CNTNAP5: variants seen among roughly 807,000 people sequenced by gnomAD.
CNTNAP5 encodes contactin associated protein family member 5, also known as contactin-associated protein-like 5.
In CNTNAP5, 72 loss-of-function variants were observed where a neutral mutation model predicts 150.2. That is an observed-to-expected ratio of 0.48 (90% confidence interval 0.40 to 0.58). The LOEUF (loss-of-function observed/expected upper bound fraction) is 0.58. Among genes scored for constraint, CNTNAP5 ranks in the 20% least tolerant of loss-of-function variants. CNTNAP5 has a pLI of 0.00. For missense variants in CNTNAP5, 1,636 were observed against 1,626.2 expected (o/e 1.01, Z -0.10); for synonymous variants, 672 against 619.8 (o/e 1.08, Z -1.25).
intron 11 of CNTNAP5, among the ~76,000 whole-genome samples, chr2:124,582,348 C>A (rs1696433907): frequency 1.3e-5 from 2 of 152,118 alleles, no homozygotes. Flanking sequence ...CTCAAAGAGG[C>A]AGCTGATTTC....
intron 11 of CNTNAP5, among the ~76,000 whole-genome samples, chr2:124,589,043 AT>A (rs961232974): frequency 3.3e-5 from 5 of 152,188 alleles, no homozygotes; most frequent in African/African-American, 1.2e-4. Context: ...AGCATATTTC[AT>A]AGACCATACA....
chr2:124,727,855 T>C (rs1157979679), intron 13 of CNTNAP5, among the ~76,000 whole-genome samples: 1 of 151,454 alleles, frequency 6.6e-6, no homozygotes, highest in Non-Finnish European at 1.5e-5. Context: ...TGAATAGAAG[T>C]GGTCAGAATG....
intron 6 of CNTNAP5, among the ~76,000 whole-genome samples, chr2:124,452,732 G>C (rs959756382): frequency 6.6e-6 from 1 of 152,160 alleles, no homozygotes; most frequent in Non-Finnish European, 1.5e-5. Context: ...TACCAGCACA[G>C]AGCCTGGTAG....
At chr2:124,715,271 C>T (rs1001251463) in intron 13 of CNTNAP5, among the ~76,000 whole-genome samples, 10 of 152,146 alleles carry the variant, frequency 6.6e-5, no homozygotes, top group Non-Finnish European at 1.2e-4. Flanking sequence ...TTAGACATGG[C>T]TTTCCTGACA....
intron 3 of CNTNAP5, among the ~76,000 whole-genome samples, chr2:124,404,871 G>T (rs187761432): frequency 6.6e-6 from 1 of 152,266 alleles, no homozygotes; most frequent in East Asian, 1.9e-4. Context: ...GGGAAGGAAA[G>T]ACAAACTCCT....
chr2:124,640,502 A>G (rs894501113), intron 12 of CNTNAP5, among the ~76,000 whole-genome samples: 1 of 152,140 alleles, frequency 6.6e-6, no homozygotes, highest in Admixed American at 6.5e-5. Context: ...GCTGAAACCC[A>G]GACACTAAAA....
intron 19 of CNTNAP5, among the ~76,000 whole-genome samples, chr2:124,802,763 A>G (rs1681996297): frequency 6.6e-6 from 1 of 152,148 alleles, no homozygotes; most frequent in Admixed American, 6.5e-5. Flanking sequence ...GGCACTTACC[A>G]TGTGGCAGAT....
At chr2:124,713,253 CTTTCTTTCT>C (rs1679854029) in intron 13 of CNTNAP5, among the ~76,000 whole-genome samples, 1 of 97,382 alleles carries the variant, frequency 1.0e-5, no homozygotes, top group Non-Finnish European at 2.2e-5. Context: ...CTCTTTCTTT[CTTTCTTTCT>C]TTCTTTCTTT....
chr2:124,278,028 T>C (rs1298963730), intron 3 of CNTNAP5, among the ~76,000 whole-genome samples: 1 of 152,172 alleles, frequency 6.6e-6, no homozygotes, highest in Admixed American at 6.6e-5. Context: ...CCAGTGGGTA[T>C]CTGCAACATC....
intron 21 of CNTNAP5, among the ~76,000 whole-genome samples, chr2:124,880,163 C>T (rs1269339648): frequency 6.6e-6 from 1 of 152,158 alleles, no homozygotes. Context: ...GTAAAGCTCA[C>T]TGTCACTTAG....
chr2:124,736,856 G>A (rs1442061857), intron 13 of CNTNAP5, among the ~76,000 whole-genome samples: 6 of 151,962 alleles, frequency 3.9e-5, no homozygotes, highest in Non-Finnish European at 8.8e-5. Flanking sequence ...AGTTCTTAGT[G>A]CAAGCAAGGC....
intron 3 of CNTNAP5, among the ~76,000 whole-genome samples, chr2:124,344,391 C>T (rs1689689289): frequency 6.6e-6 from 1 of 151,968 alleles, no homozygotes; most frequent in African/African-American, 2.4e-5. Context: ...TTCCAAGATA[C>T]ACTGCTGGAA....
intron 19 of CNTNAP5, among the ~76,000 whole-genome samples, chr2:124,860,318 C>A (rs2104714172): frequency 6.6e-6 from 1 of 152,038 alleles, no homozygotes; most frequent in East Asian, 1.9e-4. Context: ...CCATTGCACT[C>A]CAGTCTGGGC....
intron 10 of CNTNAP5, among the ~76,000 whole-genome samples, chr2:124,549,161 A>C (rs1223403089): frequency 6.6e-6 from 1 of 152,244 alleles, no homozygotes; most frequent in Non-Finnish European, 1.5e-5. Flanking sequence ...ATCGATGAGC[A>C]TCCTGGGTAA....
intron 12 of CNTNAP5, among the ~76,000 whole-genome samples, chr2:124,625,436 CTTACT>C (rs1677700728): frequency 6.6e-6 from 1 of 152,178 alleles, no homozygotes; most frequent in South Asian, 2.1e-4. Context: ...GCATAGTATA[CTTACT>C]ACAGTATACA....
chr2:124,562,315 A>G (rs115263770), intron 10 of CNTNAP5, among the ~76,000 whole-genome samples: 103 of 150,428 alleles, frequency 6.8e-4, no homozygotes, highest in African/African-American at 2.1e-3. Context: ...TTGTCCTGTT[A>G]TAATCATGTT....
chr2:124,385,336 T>A (rs965613764), intron 3 of CNTNAP5, among the ~76,000 whole-genome samples: 1 of 152,184 alleles, frequency 6.6e-6, no homozygotes, highest in African/African-American at 2.4e-5. Context: ...TCCACCCTGC[T>A]AAGAATTTTG....
intron 3 of CNTNAP5, among the ~76,000 whole-genome samples, chr2:124,331,860 A>T (rs1029617641): frequency 6.6e-6 from 1 of 151,958 alleles, no homozygotes; most frequent in Non-Finnish European, 1.5e-5. Context: ...AAGATTAACA[A>T]TTTTTTTAAT....
intron 5 of CNTNAP5, among the ~76,000 whole-genome samples, chr2:124,443,953 A>G (rs1692740271): frequency 6.6e-6 from 1 of 152,074 alleles, no homozygotes. Context: ...AGTGAGATGC[A>G]GCTCAATTTC....
Sources: gnomAD v4.1 joint callset for allele counts (sites outside exome capture counted in the v4.1 genomes callset) on GRCh38, gnomAD v4.1.1 for gene constraint, MANE v1.5 for transcripts, NCBI Gene and HGNC (gene_info 2026-07-23, HGNC 2026-07-21) for gene names.